IDE: variants seen among roughly 807,000 people sequenced by gnomAD.
The protein encoded by IDE is insulin-degrading enzyme.
Under a neutral mutation model 133.2 loss-of-function variants are expected in IDE, and 58 were observed. The ratio of observed to expected loss-of-function variants is 0.44; its 90% CI spans 0.35 to 0.54. The LOEUF (loss-of-function observed/expected upper bound fraction) is 0.54, where lower values mean the gene tolerates loss of function less well. IDE is among the 20% of genes least tolerant of loss of function. The probability of loss-of-function intolerance (pLI) is 0.00; values close to 1 mark genes in which losing one functional copy is unlikely to be tolerated. For missense variants in IDE, 981 were observed against 1,234.0 expected, an observed-to-expected ratio of 0.79 and a Z score of 3.07; for synonymous variants, 396 against 421.3, an observed-to-expected ratio of 0.94 and a Z score of 0.73.
intron 1 of IDE, among the ~76,000 whole-genome samples, chr10:92,548,359 CAAAAAAAAAAAAAAA>C (rs56347361): frequency 1.3e-4 from 5 of 39,718 alleles, no homozygotes; most frequent in South Asian, 1.6e-3. Context: ...AACTCCATCT[CAAAAAAAAAAAAAAA>C]AAAAAAAAAA....
At chr10:92,461,543 A>G (rs1845393420) in intron 21 of IDE, among the ~76,000 whole-genome samples, 1 of 151,828 alleles carries the variant, frequency 6.6e-6, no homozygotes, top group African/African-American at 2.4e-5. Flanking sequence ...TTCAGCAGAG[A>G]TGGGGTTTCG....
chr10:92,459,996 A>C (rs1012107086), intron 22 of IDE, among the ~76,000 whole-genome samples: 1 of 151,486 alleles, frequency 6.6e-6, no homozygotes, highest in Non-Finnish European at 1.5e-5. Flanking sequence ...TGCCCAGCTA[A>C]TTTTTTTATT....
At chr10:92,456,479 T>G in intron 22 of IDE, 48 bp from the exon 23 acceptor site, 1 of 1,238,908 alleles carries the variant, frequency 8.1e-7, no homozygotes, top group Non-Finnish European at 1.2e-6. Context: ...ACTAAAGAAC[T>G]TACAATGAGG....
chr10:92,573,641 CTAGTGGCACACGCCCCGTGGCCCCGGG>C (rs1843901983), intron 1 of IDE, among the ~76,000 whole-genome samples: 1 of 152,234 alleles, frequency 6.6e-6, no homozygotes, highest in Non-Finnish European at 1.5e-5. Context: ...GCCCCCCGCA[CTAGTGGCACACGCCCCGTGGCCCCGGG>C]TAGCGGCCCC....
In IDE at chr10:92,508,345, A is replaced by C. The variant is rs1227210239; in HGVS notation, c.1061-140T>G. On this transcript the variant is annotated intron_variant, in intron 7 of 24. Coordinates refer to ENST00000265986, the MANE Select transcript of IDE (RefSeq NM_004969.4). ...GCGAAAAGATTGGGAAAAAAAAATCAGTTCAGAAAAGCAGTTTAAGATGGT... is the reference window on the plus strand; with the variant it reads ...GCGAAAAGATTGGGAAAAAAAAATCCGTTCAGAAAAGCAGTTTAAGATGGT... 8.6e-6 allele frequency: 6 copies of C among 696,466 alleles called. No individual in the cohort carries two copies. The Admixed American group carries it at 1.6e-4, about 19-fold the overall frequency. The allele number at this position is 696,466 out of a possible 1,614,324, so 43.1% of individuals were successfully genotyped here. A position where few individuals can be genotyped will look rare whatever the true frequency, so the allele number is the denominator to read the frequency against.
chr10:92,505,177 C>T (rs79752167), intron 10 of IDE, among the ~76,000 whole-genome samples: 5,168 of 152,188 alleles, frequency 0.034, 137 homozygotes, highest in Admixed American at 0.058. Flanking sequence ...CGGGGAAAAC[C>T]ACGAATGTTT....
chr10:92,538,918 A>C (rs1842157749), intron 1 of IDE, among the ~76,000 whole-genome samples: 1 of 152,218 alleles, frequency 6.6e-6, no homozygotes, highest in Non-Finnish European at 1.5e-5. Context: ...TACCTACAAG[A>C]CAAAACTAAA....
At chr10:92,516,065 A>T (rs1848908521) in intron 4 of IDE, among the ~76,000 whole-genome samples, 1 of 151,450 alleles carries the variant, frequency 6.6e-6, no homozygotes, top group Non-Finnish European at 1.5e-5. Context: ...GCTACTTGGG[A>T]GGTTGAGGCA....
At chr10:92,460,420 T>G (rs1383759586) in intron 22 of IDE, among the ~76,000 whole-genome samples, 1 of 152,004 alleles carries the variant, frequency 6.6e-6, no homozygotes, top group African/African-American at 2.4e-5. Context: ...CTTTGCAGAG[T>G]AGGGTGGAGA....
At chr10:92,506,574 T>C in intron 9 of IDE, 52 bp from the exon 10 acceptor site, 4 of 172,210 alleles carry the variant, frequency 2.3e-5, no homozygotes, top group East Asian at 1.6e-4. Flanking sequence ...TTTAGAAACC[T>C]TTTTTTTTTT....
intron 22 of IDE, among the ~76,000 whole-genome samples, chr10:92,460,826 T>C (rs1845340303): frequency 1.3e-5 from 2 of 152,164 alleles, no homozygotes; most frequent in Admixed American, 6.5e-5. Flanking sequence ...CAACACACAA[T>C]ATAGCACATA....
intron 4 of IDE, among the ~76,000 whole-genome samples, chr10:92,524,455 T>TATATAAA (rs1564648108): frequency 1.7e-4 from 1 of 5,826 alleles, no homozygotes; most frequent in Non-Finnish European, 3.6e-4. Context: ...TTTTATATAT[T>TATATAAA]ATATATTTTA....
chr10:92,482,845 G>A (rs973181451), intron 14 of IDE, among the ~76,000 whole-genome samples: 3 of 149,854 alleles, frequency 2.0e-5, no homozygotes, highest in Admixed American at 6.7e-5. Context: ...TGGCTCTGTC[G>A]CCCAGGCTGG....
rs1332171462 is a variant in IDE at position 92,453,398 on chromosome 10, A to C, written c.*1046T>G. 1.3e-5 allele frequency: 2 copies of C among 152,214 alleles called. No homozygotes were observed. The highest frequency in any genetic ancestry group is 2.9e-5 in the Non-Finnish European group (2 of 68,032). 9.4% of individuals were successfully genotyped at this position (152,214 alleles called of 1,614,324 possible). A position where few individuals can be genotyped will look rare whatever the true frequency, so the allele number is the denominator to read the frequency against. On this transcript the variant is annotated 3_prime_UTR_variant, in exon 25 of 25. Transcript: ENST00000265986. ...AGGCAAGATTAGACTGGTAGCAACA[A>C]GGGATTTTAGAGTTTTATGAAGACC... is the stretch of plus-strand genomic sequence containing the variant.
At chr10:92,461,145 A>T in intron 22 of IDE, 46 bp downstream of exon 22, 1 of 952,824 alleles carries the variant, frequency 1.0e-6, no homozygotes, top group Non-Finnish European at 1.7e-6. Flanking sequence ...CCAGCCCTAT[A>T]ATACTTTCAT....
At chr10:92,524,447 T>TA (rs1564647991) in intron 4 of IDE, among the ~76,000 whole-genome samples, 6 of 10,736 alleles carry the variant, frequency 5.6e-4, no homozygotes, top group African/African-American at 8.8e-4. Context: ...ATAATATATT[T>TA]TATATATTAT....
At chr10:92,508,231 C>T (rs762022861) in intron 7 of IDE, 26 bp from the exon 8 acceptor site, 15 of 1,525,700 alleles carry the variant, frequency 9.8e-6, no homozygotes, top group South Asian at 3.4e-5. Flanking sequence ...GAAATCAATA[C>T]GATTGATTGC....
At chr10:92,458,471 G>C (rs1845150043) in intron 22 of IDE, among the ~76,000 whole-genome samples, 1 of 145,398 alleles carries the variant, frequency 6.9e-6, no homozygotes, top group Non-Finnish European at 1.5e-5. Context: ...GCTTAGGCCT[G>C]GTTATAAATA....
At chr10:92,465,410 A>G (rs181441187) in intron 20 of IDE, among the ~76,000 whole-genome samples, 28 of 152,296 alleles carry the variant, frequency 1.8e-4, no homozygotes, top group Non-Finnish European at 1.6e-4. Flanking sequence ...GCTTGTCCTT[A>G]GTATCCTTTT....
Sources: gnomAD v4.1 joint callset for allele counts (sites outside exome capture counted in the v4.1 genomes callset) on GRCh38, gnomAD v4.1.1 for gene constraint, MANE v1.5 for transcripts, NCBI Gene and HGNC (gene_info 2026-07-23, HGNC 2026-07-21) for gene names.